Variants in PLA2G6 observed in about 807,000 individuals in gnomAD.
PLA2G6 encodes phospholipase A2 group VI.
In PLA2G6, 62 loss-of-function variants were observed where a neutral mutation model predicts 83.8. The observed-to-expected ratio is 0.74, with a 90% CI of 0.60 to 0.91. PLA2G6 has a LOEUF of 0.91. PLA2G6 is among the 40% of genes least tolerant of loss of function. The pLI, the probability that PLA2G6 is intolerant of heterozygous loss-of-function variation, is 0.00. For synonymous variants in PLA2G6, 417 were observed against 449.8 expected (o/e 0.93, Z 0.92); for missense variants, 944 against 1,102.0 (o/e 0.86, Z 2.03).
intron 9 of PLA2G6, chr22:38,127,124 G>A: frequency 8.9e-7 from 1 of 1,126,098 alleles, no homozygotes; most frequent in Middle Eastern, 4.3e-4. Flanking sequence ...GCCTGGTGCA[G>A]CAGCCCGCGT....
chr22:38,158,123 C>T (rs923220866), intron 2 of PLA2G6, among the ~76,000 whole-genome samples: 6 of 151,416 alleles, frequency 4.0e-5, no homozygotes, highest in South Asian at 2.1e-4. Context: ...AAGTTTGATA[C>T]GTAGTATTTG....
chr22:38,160,976 T>G (rs1202951983), intron 2 of PLA2G6, among the ~76,000 whole-genome samples: 2 of 152,212 alleles, frequency 1.3e-5, no homozygotes, highest in African/African-American at 4.8e-5. Flanking sequence ...CACAGGTGTT[T>G]GTGATAAATC....
chr22:38,128,969 C>A lies in PLA2G6; in HGVS notation c.1186+485G>T, dbSNP rs1239535217. Among the ~76,000 whole-genome samples, 1 of 152,274 alleles carries A rather than the reference C, an allele frequency of 6.6e-6. No homozygotes were observed. On this transcript the variant is annotated intron_variant, in intron 8 of 16. Transcript: ENST00000332509. This position sits in a 1 kb window ranked among gnomAD's most constrained non-coding sequence, Gnocchi z 4.4. Reference sequence around the variant, plus strand: ...GAAACCCTCCAGAGCGGGCTCCAGGCCTCTGGTGAGGAGGATCTGCTCTGT... The same window carrying A: ...GAAACCCTCCAGAGCGGGCTCCAGGACTCTGGTGAGGAGGATCTGCTCTGT...
chr22:38,145,680 AC>A, intron 2 of PLA2G6, 27 bp from the exon 3 acceptor site: 1 of 1,528,214 alleles, frequency 6.5e-7, no homozygotes, highest in Non-Finnish European at 9.0e-7. Context: ...GAGGAGCAAG[AC>A]CCGAAATGAG....
chr22:38,159,337 T>C (rs2089917250), intron 2 of PLA2G6, among the ~76,000 whole-genome samples: 1 of 152,220 alleles, frequency 6.6e-6, no homozygotes. Context: ...CATAGTCCTA[T>C]ATTTGTTAAA....
At chr22:38,145,379 C>A in intron 3 of PLA2G6, 59 bp downstream of exon 3, 1 of 1,389,500 alleles carries the variant, frequency 7.2e-7, no homozygotes, top group Non-Finnish European at 1.0e-6. Context: ...CTGCGGCCCC[C>A]ACTGCCCACA....
intron 5 of PLA2G6, chr22:38,136,740 C>CTTTTTT (rs35788613): frequency 5.9e-5 from 7 of 118,578 alleles, no homozygotes; most frequent in African/African-American, 1.6e-4. Context: ...CTCAATAAAG[C>CTTTTTT]TTTTTTTTTT....
intron 2 of PLA2G6, among the ~76,000 whole-genome samples, chr22:38,156,478 G>A (rs1654547815): frequency 6.6e-6 from 1 of 151,226 alleles, no homozygotes; most frequent in African/African-American, 2.4e-5. Context: ...TTTTGAGACA[G>A]AGTCTTGCTC....
At chr22:38,152,786 T>C (rs902982964) in intron 2 of PLA2G6, among the ~76,000 whole-genome samples, 8 of 152,146 alleles carry the variant, frequency 5.3e-5, no homozygotes, top group African/African-American at 1.9e-4. Flanking sequence ...CAGTTACTAC[T>C]AAAAAGTGTA....
intron 1 of PLA2G6, among the ~76,000 whole-genome samples, chr22:38,173,312 C>T (rs1468785335): frequency 2.0e-5 from 3 of 151,992 alleles, no homozygotes; most frequent in South Asian, 2.1e-4. Context: ...CACTGATGAC[C>T]GGCCCCTCCT....
chr22:38,163,191 C>G (rs966825627), intron 2 of PLA2G6, among the ~76,000 whole-genome samples: 1 of 152,210 alleles, frequency 6.6e-6, no homozygotes, highest in Non-Finnish European at 1.5e-5. Context: ...CAGCACAGGC[C>G]CTTCCTGCCC....
At chr22:38,116,454 A>T (rs1196450824) in intron 12 of PLA2G6, 5 of 674,252 alleles carry the variant, frequency 7.4e-6, no homozygotes, top group Non-Finnish European at 1.4e-5. Context: ...TTGAAAGGCT[A>T]ATCCAATGGA....
chr22:38,142,784 C>A (rs1283369974), intron 4 of PLA2G6: 2 of 413,722 alleles, frequency 4.8e-6, no homozygotes, highest in East Asian at 1.1e-4. Flanking sequence ...TCCAGGCAGG[C>A]ATCTGGCTCA....
intron 12 of PLA2G6, among the ~76,000 whole-genome samples, chr22:38,118,713 A>C (rs192757012): frequency 4.9e-4 from 74 of 149,698 alleles, no homozygotes; most frequent in African/African-American, 1.7e-3. Context: ...GAATTTATAA[A>C]TATTTTTTCT....
intron 12 of PLA2G6, among the ~76,000 whole-genome samples, chr22:38,119,998 TC>T (rs2087431847): frequency 1.3e-5 from 2 of 151,804 alleles, no homozygotes; most frequent in South Asian, 4.2e-4. Flanking sequence ...AGATTGAAGG[TC>T]CCTGGCCTTG....
In PLA2G6 at chr22:38,132,540, T is replaced by C. The variant is rs1355168916; in HGVS notation, c.1077+291A>G. 7.5e-6 allele frequency: 4 copies of C among 533,608 alleles called. No individual in the cohort carries two copies. The highest frequency in any genetic ancestry group is 3.8e-5 in the African/African-American group (2 of 52,616). The allele number at this position is 533,608 out of a possible 1,614,324, so 33.1% of individuals were successfully genotyped here. A position where few individuals can be genotyped will look rare whatever the true frequency, so the allele number is the denominator to read the frequency against. ...GGTGACATGGCTTGCTCAGGGCCAGTCTATGGCCAGAGCTGTCATTTTTCC... is the reference window on the plus strand; with the variant it reads ...GGTGACATGGCTTGCTCAGGGCCAGCCTATGGCCAGAGCTGTCATTTTTCC... On this transcript the variant is annotated intron_variant, in intron 7 of 16. Coordinates refer to ENST00000332509, the MANE Select transcript of PLA2G6 (RefSeq NM_003560.4). This position sits in a 1 kb window ranked among gnomAD's most constrained non-coding sequence, Gnocchi z 5.0.
At position 38,112,563 on chromosome 22, in the gene PLA2G6, G is replaced by A. The variant is rs548439730; in HGVS notation, c.2217C>T (p.Asp739=). The A allele has an allele frequency of 1.6e-5, 25 of 1,552,036 alleles. No homozygotes were observed. The highest frequency in any genetic ancestry group is 1.2e-4 in the East Asian group (5 of 41,002). Reference sequence around the variant, plus strand: ...CCCGTGCCCGGTCCACAGCCCGCCCGTCTGGATCCGTGCACTGGTGAGAAG... The same window carrying A: ...CCCGTGCCCGGTCCACAGCCCGCCCATCTGGATCCGTGCACTGGTGAGAAG... The part of the protein sequence containing the change: ...KMVVDCCTDP[D]GRAVDRARAW... The change falls in exon 16 of 17, where the codon GAC becomes GAT. Residue 739 remains aspartate (D), a synonymous_variant. Coordinates refer to ENST00000332509, the MANE Select transcript of PLA2G6 (RefSeq NM_003560.4).
At chr22:38,173,097 C>T (rs1257623983) in intron 1 of PLA2G6, among the ~76,000 whole-genome samples, 2 of 152,178 alleles carry the variant, frequency 1.3e-5, no homozygotes, top group African/African-American at 2.4e-5. Flanking sequence ...ACCAGGAAGG[C>T]GGGCCAGCAG....
chr22:38,168,844 T>C (rs1017773765), intron 2 of PLA2G6, among the ~76,000 whole-genome samples: 4 of 152,058 alleles, frequency 2.6e-5, no homozygotes, highest in Admixed American at 2.0e-4. Context: ...AGCAAGACTG[T>C]CTCAAAAAAC....
Sources: gnomAD v4.1 joint callset for allele counts (sites outside exome capture counted in the v4.1 genomes callset) on GRCh38, gnomAD v4.1.1 for gene constraint, Gnocchi (gnomAD v3.1) non-coding constraint, MANE v1.5 for transcripts, NCBI Gene and HGNC (gene_info 2026-07-23, HGNC 2026-07-21) for gene names.